Variants in NUP188 observed in about 807,000 individuals in gnomAD.
NUP188 encodes the protein nucleoporin 188, also known as nucleoporin NUP188.
In NUP188, 97 loss-of-function variants were observed where a neutral mutation model predicts 223.0. That is an observed-to-expected ratio of 0.43 (90% CI 0.37 to 0.51). The LOEUF is 0.51. Ranked by LOEUF, NUP188 falls within the 20% of genes least tolerant of loss-of-function variation. The probability of loss-of-function intolerance (pLI) is 0.00; values close to 1 mark genes in which losing one functional copy is unlikely to be tolerated. For synonymous variants in NUP188, 869 were observed against 828.0 expected, an observed-to-expected ratio of 1.05 and a Z score of -0.85; for missense variants, 1,947 against 2,175.6, an observed-to-expected ratio of 0.89 and a Z score of 2.09.
intron 28 of NUP188, 75 bp from the exon 29 acceptor site, chr9:128,994,781 C>G (rs1311567560): frequency 4.8e-6 from 6 of 1,237,574 alleles, no homozygotes; most frequent in South Asian, 3.6e-5. Context: ...GGCCCCTGCT[C>G]TGTTCCCTGT....
At chr9:128,951,163 C>T (rs982134284) in intron 2 of NUP188, among the ~76,000 whole-genome samples, 5 of 152,078 alleles carry the variant, frequency 3.3e-5, no homozygotes, top group African/African-American at 1.2e-4. Context: ...ACAAAATTAG[C>T]CCGGTGTGGT....
At position 128,982,934 on chromosome 9, in the gene NUP188, A is replaced by T; in HGVS notation, c.1702A>T (p.Ile568Phe). 1 of 1,614,180 alleles carries T rather than the reference A, an allele frequency of 6.2e-7. No homozygotes were observed. The highest frequency in any genetic ancestry group is 8.5e-7 in the Non-Finnish European group (1 of 1,180,040). The stretch of plus-strand genomic sequence containing the variant: ...TCAGCACTGCCAGCGAGTCAAACCC[A>T]TCATTGATCTCGTCCATAAGGTCAT... Reference protein sequence around the residue: ...VIQHCQRVKPIIDLVHKVIST... With the variant: ...VIQHCQRVKPFIDLVHKVIST... The change falls in exon 17 of 44, where the codon ATC becomes TTC. Residue 568 changes from isoleucine (I) to phenylalanine (F), a missense_variant. By Grantham distance (21) the Ile-to-Phe change is conservative (BLOSUM62 0). This residue lies in a region of NUP188 where 817 missense variants were observed against 865.8 expected (regional missense o/e 0.94). Coordinates refer to ENST00000372577, the MANE Select transcript of NUP188 (RefSeq NM_015354.3).
Position 128,994,877 on chromosome 9 carries a change from G to A in NUP188, c.3109G>A (p.Ala1037Thr). The A allele has an allele frequency of 6.2e-7, 1 of 1,613,846 alleles. No individual in the cohort carries two copies. Among genetic ancestry groups the A allele is most frequent in the Non-Finnish European group, 8.5e-7 (1 of 1,179,760 alleles). The change falls in exon 29 of 44, where the codon GCC becomes ACC. Residue 1037 changes from alanine (A) to threonine (T), a missense_variant. By Grantham distance (58) the Ala-to-Thr change is moderately conservative. Transcript: ENST00000372577. ...TSEPSILETC[A>T]LIMKIICLEI... ...ACAGCCCAGCATCCTGGAAACCTGTGCCCTAATCATGAAGATAATTTGCTT... is the reference window on the plus strand; with the variant it reads ...ACAGCCCAGCATCCTGGAAACCTGTACCCTAATCATGAAGATAATTTGCTT...
intron 12 of NUP188, among the ~76,000 whole-genome samples, chr9:128,978,214 C>T (rs1433177811): frequency 6.6e-6 from 1 of 152,032 alleles, no homozygotes; most frequent in African/African-American, 2.4e-5. Context: ...CCAGTCTTGG[C>T]AACAGAGCAA....
rs183838391 is a variant in NUP188 at position 128,952,900 on chromosome 9, G to A, written c.161+54G>A. 584 of 1,345,526 alleles carry A rather than the reference G, an allele frequency of 4.3e-4. 1 individual carries two copies. The highest frequency in any genetic ancestry group is 3.8e-3 in the Middle Eastern group (21 of 5,500). The allele number at this position is 1,345,526 out of a possible 1,614,324, so 83.3% of individuals were successfully genotyped here. ...GTAATTGTCCTAAGGAAGCTGACAT[G>A]GATAAAACCATCCTTCTATGTGCTT... On this transcript the variant is annotated intron_variant, in intron 3 of 43. Transcript: ENST00000372577.
chr9:128,983,266 G>T, intron 17 of NUP188, 27 bp from the exon 18 acceptor site: 1 of 1,590,126 alleles, frequency 6.3e-7, no homozygotes, highest in Non-Finnish European at 8.6e-7. Context: ...TTGCTTTATT[G>T]AGTATAGTGT....
At position 128,968,686 on chromosome 9, in the gene NUP188, G is replaced by A. The variant is rs1259925542; in HGVS notation, c.766G>A (p.Glu256Lys). ...SRQTNRHLVD[E>K]TMDPFVDRIG... The stretch of plus-strand genomic sequence containing the variant: ...GCAGACCAATAGGCACCTGGTGGAT[G>A]AGACTATGGATCCTTTTGTAGATCG... Residue 256 changes from glutamate (E) to lysine (K), a missense_variant, in exon 9 of 44, where the codon GAG (glutamate) becomes AAG (lysine). Glu to Lys is a moderately conservative substitution (Grantham distance 56, BLOSUM62 1). This residue lies in a region of NUP188 where 817 missense variants were observed against 865.8 expected (regional missense o/e 0.94). Coordinates refer to ENST00000372577, the MANE Select transcript of NUP188 (RefSeq NM_015354.3). The A allele has an allele frequency of 2.5e-6, 4 of 1,613,992 alleles. No homozygotes were observed. The highest frequency in any genetic ancestry group is 1.3e-5 in the African/African-American group (1 of 74,938).
chr9:128,975,845 G>A (rs563387087), intron 12 of NUP188, among the ~76,000 whole-genome samples: 2 of 151,952 alleles, frequency 1.3e-5, no homozygotes, highest in South Asian at 2.1e-4. Context: ...GTTTTGAAAC[G>A]GAGTCTCACT....
At chr9:128,989,741 G>A (rs776361940) in intron 24 of NUP188, among the ~76,000 whole-genome samples, 3 of 152,184 alleles carry the variant, frequency 2.0e-5, no homozygotes, top group Non-Finnish European at 4.4e-5. Context: ...GCTGAGGCAG[G>A]AGAATTGCTT....
At position 129,002,849 on chromosome 9, in the gene NUP188, C is replaced by T. The variant is rs1564568346; in HGVS notation, c.4170C>T (p.Ala1390=). Residue 1390 remains alanine (A), a synonymous_variant, in exon 37 of 44, where the codon GCC becomes GCT. Coordinates refer to ENST00000372577, the MANE Select transcript of NUP188 (RefSeq NM_015354.3). Reference sequence around the variant, plus strand: ...GTGCCTCTCGGAAGTCCCTGGATGCCCCCTCTTGGCCAGGAGTCTACCGCC... The same window carrying T: ...GTGCCTCTCGGAAGTCCCTGGATGCTCCCTCTTGGCCAGGAGTCTACCGCC... The part of the protein sequence containing the change: ...TPSASRKSLD[A]PSWPGVYRLS... 3.7e-6 allele frequency: 6 copies of T among 1,614,048 alleles called. No individual in the cohort carries two copies. The highest frequency in any genetic ancestry group is 1.6e-4 in the Middle Eastern group (1 of 6,084).
chr9:128,970,548 TTAG>T (rs1302487367), intron 10 of NUP188, among the ~76,000 whole-genome samples: 2 of 152,132 alleles, frequency 1.3e-5, no homozygotes, highest in African/African-American at 2.4e-5. Context: ...CTACATAAAA[TTAG>T]TAGACAAATT....
intron 2 of NUP188, among the ~76,000 whole-genome samples, chr9:128,952,375 G>A (rs555843027): frequency 4.0e-5 from 6 of 150,818 alleles, no homozygotes; most frequent in African/African-American, 1.5e-4. Flanking sequence ...CTCCATCCTG[G>A]GTAACAGAGT....
At chr9:128,991,913 T>A (rs1223785124) in intron 25 of NUP188, among the ~76,000 whole-genome samples, 1 of 148,188 alleles carries the variant, frequency 6.7e-6, no homozygotes. Context: ...CTTTCTTTTT[T>A]TTTTTTTTTT....
intron 15 of NUP188, among the ~76,000 whole-genome samples, chr9:128,981,646 C>T (rs1315760915): frequency 1.3e-5 from 2 of 152,132 alleles, no homozygotes; most frequent in African/African-American, 2.4e-5. Context: ...ATAGCCTCAC[C>T]GTTTTAATCC....
At chr9:128,969,720 CT>C (rs1418626026) in intron 10 of NUP188, among the ~76,000 whole-genome samples, 1 of 152,178 alleles carries the variant, frequency 6.6e-6, no homozygotes, top group Non-Finnish European at 1.5e-5. Flanking sequence ...GTGGCGTGGT[CT>C]TGGCTCACTG....
At position 128,993,643 on chromosome 9, in the gene NUP188, A is replaced by G. The variant is rs201454172; in HGVS notation, c.2966A>G (p.His989Arg). Residue 989 changes from histidine (H) to arginine (R), a missense_variant, in exon 27 of 44, where the codon CAT becomes CGT. Around this residue, in one of 3 missense-constraint regions of NUP188, gnomAD observed 905 missense variants for 990.6 expected, o/e 0.91. Coordinates refer to ENST00000372577, the MANE Select transcript of NUP188 (RefSeq NM_015354.3). ...CATCGTGCCGCCATTGCCTTTTTGC[A>G]TGCTCTGTGGCAGGATCGGAGGGAC... ...LLHRAAIAFL[H>R]ALWQDRRDSA... 3.8e-5 allele frequency: 61 copies of G among 1,614,200 alleles called. No homozygotes were observed. In the African/African-American group the frequency reaches 7.5e-4, roughly 20 times the overall value.
intron 15 of NUP188, 49 bp from the exon 16 acceptor site, chr9:128,982,500 A>G (rs1238458848): frequency 2.7e-6 from 4 of 1,508,670 alleles, no homozygotes; most frequent in Admixed American, 1.9e-5. Flanking sequence ...GAGGAGTTAC[A>G]TTTTTTATTT....
intron 20 of NUP188, among the ~76,000 whole-genome samples, chr9:128,985,995 C>G (rs545756116): frequency 6.6e-6 from 1 of 151,992 alleles, no homozygotes; most frequent in Non-Finnish European, 1.5e-5. Context: ...GTCGAGATCA[C>G]GCCATTGCAC....
At position 128,986,575 on chromosome 9, in the gene NUP188, C is replaced by T. The variant is rs374697679; in HGVS notation, c.2094C>T (p.Thr698=). The change falls in exon 21 of 44, where the codon ACC becomes ACT. Residue 698 remains threonine, a synonymous_variant. Coordinates refer to ENST00000372577, the MANE Select transcript of NUP188 (RefSeq NM_015354.3). ...TCTTGTAGGGGCAACTTGGTAGTAC[C>T]CAGAGCCAAGGACTTGTACCCTGTG... ...TTLVKGQLGS[T]QSQGLVPCVM... is the part of the protein sequence containing the mutation. 11 of 1,613,868 alleles carry T rather than the reference C, an allele frequency of 6.8e-6. 1 individual carries two copies. The African/African-American group carries it at 1.1e-4, about 16-fold the overall frequency.
Sources: allele counts gnomAD v4.1 joint callset (sites outside exome capture counted in the v4.1 genomes callset), GRCh38; gene constraint gnomAD v4.1.1; regional missense constraint gnomAD v4.1.1; transcripts MANE v1.5; gene names NCBI Gene and HGNC (gene_info 2026-07-23, HGNC 2026-07-21).